HDGFL3: variants seen among roughly 807,000 people sequenced by gnomAD.
HDGFL3 encodes HDGF like 3.
A neutral mutation model predicts 27.6 loss-of-function variants in HDGFL3; 6 were observed. The observed-to-expected ratio is 0.22, with a 90% CI of 0.12 to 0.43. The LOEUF (loss-of-function observed/expected upper bound fraction) is 0.43. Among genes scored for constraint, HDGFL3 ranks in the 20% least tolerant of loss-of-function variants. The probability of loss-of-function intolerance (pLI) is 1.00; values close to 1 mark genes in which losing one functional copy is unlikely to be tolerated. For missense variants in HDGFL3, 207 were observed against 250.1 expected (o/e 0.83, Z 1.16); for synonymous variants, 88 against 88.9 (o/e 0.99, Z 0.05).
chr15:83,135,902 C>T lies in HDGFL3; in HGVS notation c.*3368G>A, dbSNP rs1328640741. 4 of 152,076 alleles carry T rather than the reference C, an allele frequency of 2.6e-5. No homozygotes were observed. Among genetic ancestry groups the T allele is most frequent in the Non-Finnish European group, 5.9e-5 (4 of 68,002 alleles). 9.4% of individuals were successfully genotyped at this position (152,076 alleles called of 1,614,324 possible). On this transcript the variant is annotated 3_prime_UTR_variant, in exon 6 of 6. Coordinates refer to ENST00000299633, the MANE Select transcript of HDGFL3 (RefSeq NM_016073.4). ...TTAAAAGCTGCAGAAAAAACAAATA[C>T]ATGAATAAATGAATAAACAAAAAAC...
chr15:83,165,794 C>CA (rs57873221), intron 1 of HDGFL3, among the ~76,000 whole-genome samples: 1,725 of 13,788 alleles, frequency 0.13, 240 homozygotes, highest in Non-Finnish European at 0.21. Flanking sequence ...GAATCCATCT[C>CA]AAAAAAAAAA....
chr15:83,163,950 G>A (rs972960558), intron 2 of HDGFL3, 49 bp downstream of exon 2: 1 of 1,142,374 alleles, frequency 8.8e-7, no homozygotes, highest in Non-Finnish European at 1.3e-6. Context: ...TAACAATGTA[G>A]CATAGCAGAG....
intron 1 of HDGFL3, chr15:83,192,241 CT>C (rs2037520256): frequency 4.4e-6 from 2 of 453,938 alleles, no homozygotes; most frequent in South Asian, 3.1e-5. Flanking sequence ...AGTGCCTGAC[CT>C]GTAACTCACC....
chr15:83,118,230 TACACACACACACACAC>T (rs72160704), intron 3 of HDGFL3, among the ~76,000 whole-genome samples: 25 of 146,262 alleles, frequency 1.7e-4, no homozygotes, highest in Non-Finnish European at 2.7e-4. Flanking sequence ...TCTCTGTACG[TACACACACACACACAC>T]ACACACACAC....
chr15:83,190,207 C>CAA (rs57723810), intron 1 of HDGFL3, among the ~76,000 whole-genome samples: 3 of 116,548 alleles, frequency 2.6e-5, no homozygotes, highest in East Asian at 2.4e-4. Context: ...AACTCTGTCT[C>CAA]AAAAAAAAAA....
At chr15:83,203,391 C>T (rs1029243106) in intron 1 of HDGFL3, among the ~76,000 whole-genome samples, 1 of 152,096 alleles carries the variant, frequency 6.6e-6, no homozygotes, top group African/African-American at 2.4e-5. Context: ...TGTTTATTCA[C>T]GTTGAGTATA....
intron 3 of HDGFL3, chr15:83,119,735 G>T: frequency 1.9e-6 from 3 of 1,610,628 alleles, no homozygotes; most frequent in South Asian, 2.2e-5. Context: ...CGATAAGCGG[G>T]TATGTAAGGA....
chr15:83,162,038 C>A (rs181221043), intron 2 of HDGFL3, among the ~76,000 whole-genome samples: 2 of 152,276 alleles, frequency 1.3e-5, no homozygotes, highest in Admixed American at 1.3e-4. Context: ...GCCTAGGGTA[C>A]TCCTTTAGCT....
At chr15:83,118,142 G>A (rs1038107909) in intron 3 of HDGFL3, among the ~76,000 whole-genome samples, 1 of 152,028 alleles carries the variant, frequency 6.6e-6, no homozygotes, top group Non-Finnish European at 1.5e-5. Context: ...CGGGAGGATC[G>A]CTTGACGCCA....
intron 4 of HDGFL3, among the ~76,000 whole-genome samples, chr15:83,155,548 T>TA (rs546965073): frequency 3.0e-4 from 45 of 152,214 alleles, no homozygotes; most frequent in Non-Finnish European, 4.9e-4. Context: ...CAATGGAAGA[T>TA]AAAGTCTGAC....
In HDGFL3 at chr15:83,196,171, A is replaced by G. The variant is rs183787989; in HGVS notation, c.84+11160T>C. On this transcript the variant is annotated intron_variant, in intron 1 of 5. Coordinates refer to ENST00000299633, the MANE Select transcript of HDGFL3 (RefSeq NM_016073.4). ...ATAAACATTAAGAATTTTAAAAAAT[A>G]TATTAGTAAATATCAATATATTTAT... Among the ~76,000 whole-genome samples the G allele has an allele frequency of 4.1e-3, 628 of 151,828 alleles. 3 individuals carry two copies. The highest frequency in any genetic ancestry group is 0.014 in the Middle Eastern group (4 of 290).
downstream of HDGFL3, among the ~76,000 whole-genome samples, chr15:83,123,047 CAAG>C (rs1233641996): frequency 6.6e-6 from 1 of 152,188 alleles, no homozygotes; most frequent in East Asian, 1.9e-4. Context: ...TTAATGTAGG[CAAG>C]AAGGTCTGTT....
rs1260022135 is a variant in HDGFL3 at position 83,207,547 on chromosome 15, G to C, written c.-133C>G. On this transcript the variant is annotated 5_prime_UTR_variant, in exon 1 of 6. Transcript: ENST00000299633. The surrounding 1 kb of genome is among the most constrained non-coding windows in gnomAD (Gnocchi z 4.8). ...GGCGGACGAGCGGCCGCTCCGACGA[G>C]GGGAAGCGGCGAGGCGGCGGCTGAG... The C allele has an allele frequency of 1.6e-6, 1 of 624,474 alleles. No individual in the cohort carries two copies. The highest frequency in any genetic ancestry group is 1.9e-5 in the African/African-American group (1 of 52,152). The allele number at this position is 624,474 out of a possible 1,614,324, so 38.7% of individuals were successfully genotyped here.
intron 4 of HDGFL3, among the ~76,000 whole-genome samples, chr15:83,155,981 T>G (rs1004161211): frequency 6.6e-6 from 1 of 152,192 alleles, no homozygotes; most frequent in Non-Finnish European, 1.5e-5. Context: ...GACTTTCAAT[T>G]TGTAAATCTA....
chr15:83,181,118 T>G (rs1043403349), intron 1 of HDGFL3: 3 of 152,118 alleles, frequency 2.0e-5, no homozygotes, highest in African/African-American at 7.2e-5. Context: ...TTTCACCCAA[T>G]AAAACCCTAA....
intron 1 of HDGFL3, among the ~76,000 whole-genome samples, chr15:83,174,759 C>T (rs771182915): frequency 4.6e-5 from 7 of 152,188 alleles, no homozygotes; most frequent in Non-Finnish European, 8.8e-5. Flanking sequence ...TTATTTTACT[C>T]TTGTGAGAAA....
chr15:83,113,626 A>G (rs1420732071), exon 4 of HDGFL3: 1 of 152,484 alleles, frequency 6.6e-6, no homozygotes, highest in Non-Finnish European at 1.5e-5. Context: ...CTACAGCAAC[A>G]AACATTTATT....
chr15:83,162,000 G>A (rs2037107546), intron 2 of HDGFL3, among the ~76,000 whole-genome samples: 1 of 152,164 alleles, frequency 6.6e-6, no homozygotes, highest in South Asian at 2.1e-4. Context: ...CAGATTCAAA[G>A]TCATGTTCTG....
At chr15:83,205,757 G>A (rs1439117281) in intron 1 of HDGFL3, among the ~76,000 whole-genome samples, 1 of 152,142 alleles carries the variant, frequency 6.6e-6, no homozygotes, top group Non-Finnish European at 1.5e-5. Flanking sequence ...AAACAGATTC[G>A]GGGATTTTCT....
Sources: allele counts gnomAD v4.1 joint callset (sites outside exome capture counted in the v4.1 genomes callset), GRCh38; gene constraint gnomAD v4.1.1; non-coding constraint Gnocchi (gnomAD v3.1); transcripts MANE v1.5; gene names NCBI Gene and HGNC (gene_info 2026-07-23, HGNC 2026-07-21).